PDE4D: variants seen among roughly 807,000 people sequenced by gnomAD.
PDE4D encodes phosphodiesterase 4D, also known as 3',5'-cyclic-AMP phosphodiesterase 4D.
Under a neutral mutation model 87.4 loss-of-function variants are expected in PDE4D, and 24 were observed. That is an observed-to-expected ratio of 0.27 (90% CI 0.20 to 0.39). The LOEUF is 0.39. PDE4D is among the 10% of genes least tolerant of loss of function. The pLI is 1.00. For synonymous variants in PDE4D, 384 were observed against 383.2 expected (o/e 1.00, Z -0.02); for missense variants, 714 against 1,041.0 (o/e 0.69, Z 4.32).
intron 1 of PDE4D, among the ~76,000 whole-genome samples, chr5:59,837,630 A>G (rs1342768073): frequency 1.2e-4 from 18 of 152,100 alleles, no homozygotes; most frequent in Non-Finnish European, 2.9e-5. Flanking sequence ...TTTGCTTTCA[A>G]TCAACACCAA....
At chr5:59,858,443 G>T (rs1043225285) in intron 1 of PDE4D, among the ~76,000 whole-genome samples, 1 of 151,910 alleles carries the variant, frequency 6.6e-6, no homozygotes, top group South Asian at 2.1e-4. Context: ...GCTTGTCTTT[G>T]CCCTCATTCA....
chr5:59,939,618 A>G (rs1011376737), intron 3 of PDE4D, among the ~76,000 whole-genome samples: 1 of 152,132 alleles, frequency 6.6e-6, no homozygotes, highest in Non-Finnish European at 1.5e-5. Flanking sequence ...TGTTACAAAG[A>G]CAAACGAAGG....
intron 1 of PDE4D, among the ~76,000 whole-genome samples, chr5:59,502,903 GA>G (rs1409663197): frequency 7.3e-6 from 1 of 137,380 alleles, no homozygotes; most frequent in Admixed American, 7.1e-5. Flanking sequence ...TAGGAGATTA[GA>G]AGGCTTTTTT....
At chr5:60,494,201 T>A (rs191846592) in intron 1 of PDE4D, among the ~76,000 whole-genome samples, 2 of 152,328 alleles carry the variant, frequency 1.3e-5, no homozygotes, top group East Asian at 3.9e-4. Flanking sequence ...AGGAGTTGAA[T>A]GAGCTAAGCT....
chr5:59,002,604 G>A (rs923097814), intron 6 of PDE4D, among the ~76,000 whole-genome samples: 3 of 152,098 alleles, frequency 2.0e-5, no homozygotes, highest in African/African-American at 7.2e-5. Flanking sequence ...GAGCACACAT[G>A]CCTGGCCAGT....
At chr5:60,305,085 G>A (rs1728265732) in intron 1 of PDE4D, among the ~76,000 whole-genome samples, 1 of 150,152 alleles carries the variant, frequency 6.7e-6, no homozygotes, top group Non-Finnish European at 1.5e-5. Flanking sequence ...CACAACAGGG[G>A]AAAGAGAATA....
chr5:59,366,030 C>T (rs567266069), intron 1 of PDE4D, among the ~76,000 whole-genome samples: 10 of 152,090 alleles, frequency 6.6e-5, no homozygotes, highest in Non-Finnish European at 1.5e-4. Context: ...CAAAAAGAGG[C>T]TTTTTCCCCC....
intron 11 of PDE4D, among the ~76,000 whole-genome samples, chr5:58,981,153 T>C (rs536931653): frequency 6.6e-6 from 1 of 152,276 alleles, no homozygotes; most frequent in East Asian, 1.9e-4. Context: ...CACCCCAAAA[T>C]AGTGTTTTAC....
At position 58,974,850 on chromosome 5, in the gene PDE4D, C is replaced by T. The variant is rs781347717; in HGVS notation, c.2244G>A (p.Thr748=). The T allele has an allele frequency of 4.3e-6, 7 of 1,612,854 alleles. No homozygotes were observed. Among genetic ancestry groups the T allele is most frequent in the Non-Finnish European group, 5.1e-6 (6 of 1,179,164 alleles). Residue 748 remains threonine, a synonymous_variant, in exon 15 of 15, where the codon ACG becomes ACA. Transcript: ENST00000340635. Reference sequence around the variant, plus strand: ...CCACTTGACTGCCACTGTCCTTTTCCGTGTCTGACTCACCATCTTCCTCTA... The same window carrying T: ...CCACTTGACTGCCACTGTCCTTTTCTGTGTCTGACTCACCATCTTCCTCTA... The part of the protein sequence containing the change: ...LTLEEDGESD[T]EKDSGSQVEE...
intron 1 of PDE4D, among the ~76,000 whole-genome samples, chr5:59,624,789 C>G (rs563323430): frequency 6.6e-6 from 1 of 152,188 alleles, no homozygotes; most frequent in Non-Finnish European, 1.5e-5. Flanking sequence ...CTGCCTCTAT[C>G]AATTCTGATT....
chr5:59,023,144 C>T (rs1075640), intron 6 of PDE4D, among the ~76,000 whole-genome samples: 10,775 of 151,032 alleles, frequency 0.071, 437 homozygotes, highest in South Asian at 0.093. Context: ...CATTGCACTC[C>T]AGTCCAGGCA....
At chr5:60,366,052 A>G (rs1399922688) in intron 1 of PDE4D, among the ~76,000 whole-genome samples, 1 of 151,558 alleles carries the variant, frequency 6.6e-6, no homozygotes, top group Admixed American at 6.6e-5. Context: ...TCAAAAAAAA[A>G]AAAAAAAAAA....
chr5:59,336,369 T>C (rs982450411), intron 1 of PDE4D, among the ~76,000 whole-genome samples: 2 of 152,214 alleles, frequency 1.3e-5, no homozygotes, highest in Non-Finnish European at 2.9e-5. Flanking sequence ...AACAGAGCTA[T>C]TTTTGGATTG....
chr5:59,683,074 T>C (rs943395261), intron 1 of PDE4D, among the ~76,000 whole-genome samples: 8 of 152,220 alleles, frequency 5.3e-5, no homozygotes, highest in Non-Finnish European at 1.2e-4. Context: ...TCCATGTTAA[T>C]TTGCTAATTT....
chr5:60,354,853 C>T (rs1759486423), intron 1 of PDE4D, among the ~76,000 whole-genome samples: 1 of 152,078 alleles, frequency 6.6e-6, no homozygotes. Flanking sequence ...GATAATAAAT[C>T]ACTAGAGAAA....
chr5:59,276,010 G>A (rs1353852043), intron 1 of PDE4D: 3 of 984,576 alleles, frequency 3.0e-6, no homozygotes, highest in Admixed American at 6.2e-5. Flanking sequence ...TTAGAATCCA[G>A]GGTTTTGTGA....
intron 1 of PDE4D, among the ~76,000 whole-genome samples, chr5:60,291,776 A>G (rs1410403350): frequency 6.6e-6 from 1 of 152,172 alleles, no homozygotes; most frequent in Non-Finnish European, 1.5e-5. Context: ...TTTTTGAAAA[A>G]TAAATTGGGA....
intron 1 of PDE4D, among the ~76,000 whole-genome samples, chr5:60,415,743 G>A (rs535512154): frequency 1.3e-5 from 2 of 152,326 alleles, no homozygotes; most frequent in South Asian, 2.1e-4. Context: ...CCTGACAAGC[G>A]CTGCCCCCTG....
chr5:60,069,598 A>G (rs1772491081), intron 2 of PDE4D, among the ~76,000 whole-genome samples: 1 of 151,776 alleles, frequency 6.6e-6, no homozygotes, highest in Non-Finnish European at 1.5e-5. Flanking sequence ...GTTTTGCAAC[A>G]TATCTAGAGA....
Sources: gnomAD v4.1 joint callset for allele counts (sites outside exome capture counted in the v4.1 genomes callset) on GRCh38, gnomAD v4.1.1 for gene constraint, MANE v1.5 for transcripts, NCBI Gene and HGNC (gene_info 2026-07-23, HGNC 2026-07-21) for gene names.